The following TRPM3 variants were observed in gnomAD, a reference collection of about 807,000 sequenced individuals.
TRPM3 encodes the protein long transient receptor potential channel 3.
In TRPM3, 77 loss-of-function variants were observed where a neutral mutation model predicts 181.2. The observed-to-expected ratio is 0.42, with a 90% CI of 0.35 to 0.51. TRPM3 has a LOEUF of 0.51. TRPM3 is among the 20% of genes least tolerant of loss of function. The pLI, the probability that TRPM3 is intolerant of heterozygous loss-of-function variation, is 0.01. For synonymous variants in TRPM3, 745 were observed against 796.4 expected (o/e 0.94, Z 1.09); for missense variants, 1,759 against 2,196.7 (o/e 0.80, Z 3.98).
At chr9:71,209,897 G>A (rs2079376980) in intron 1 of TRPM3, among the ~76,000 whole-genome samples, 2 of 152,200 alleles carry the variant, frequency 1.3e-5, no homozygotes, top group South Asian at 2.1e-4. Flanking sequence ...AGACCTTGTA[G>A]CAGAGACCAT....
Position 70,935,622 on chromosome 9 carries a change from G to A in TRPM3, c.178-71111C>T, listed in dbSNP as rs985484524. On this transcript the variant is annotated intron_variant, in intron 1 of 25. Transcript: ENST00000677713. ...TACCTTGCTCTCTTTACTCACTGAT[G>A]TGTGTCCTATATACTTGTCTGGGTT... Among the ~76,000 whole-genome samples the A allele has an allele frequency of 3.3e-5, 5 of 152,078 alleles. 1 individual carries two copies. Among genetic ancestry groups the A allele is most frequent in the African/African-American group, 1.2e-4 (5 of 41,406 alleles).
intron 1 of TRPM3, among the ~76,000 whole-genome samples, chr9:70,921,989 G>C (rs1001100708): frequency 3.1e-5 from 4 of 128,210 alleles, no homozygotes; most frequent in African/African-American, 1.0e-4. Flanking sequence ...AGTTATTTTT[G>C]TGGTTCTACA....
chr9:70,836,065 G>A (rs541284523), intron 5 of TRPM3, among the ~76,000 whole-genome samples: 1 of 152,082 alleles, frequency 6.6e-6, no homozygotes, highest in Non-Finnish European at 1.5e-5. Flanking sequence ...TGTTGTTGGG[G>A]CTATTATTAT....
Position 70,843,080 on chromosome 9 carries a change from A to G in TRPM3, c.724T>C (p.Ser242Pro), listed in dbSNP as rs1346658189. ...GDALKDHASK[S>P]RGKICTIGIA... ...CCTATGGTGCATATCTTTCCTCGAG[A>G]CTTAGAGGCATGATCCTTCAAGGCA... The change falls in exon 5 of 26, where the codon TCT (serine) becomes CCT (proline). Residue 242 changes from serine to proline, a missense_variant. Physicochemically the swap from Ser to Pro is moderately conservative, Grantham distance 74. Transcript: ENST00000677713. The G allele has an allele frequency of 6.2e-7, 1 of 1,613,384 alleles. No individual in the cohort carries two copies. The highest frequency in any genetic ancestry group is 8.5e-7 in the Non-Finnish European group (1 of 1,179,692).
At chr9:70,760,653 C>G (rs2077960105) in intron 8 of TRPM3, 1 of 147,788 alleles carries the variant, frequency 6.8e-6, no homozygotes, top group East Asian at 2.0e-4. Context: ...GTCTTGCCCA[C>G]TCTAATCAAT....
intron 1 of TRPM3, among the ~76,000 whole-genome samples, chr9:71,419,585 A>G (rs2093694645): frequency 6.6e-6 from 1 of 151,986 alleles, no homozygotes; most frequent in Non-Finnish European, 1.5e-5. Context: ...CAAAAGAGAA[A>G]AAACAAAATT....
intron 1 of TRPM3, among the ~76,000 whole-genome samples, chr9:71,385,883 G>A (rs10781017): frequency 0.46 from 69,261 of 151,074 alleles, 17,379 homozygotes; most frequent in East Asian, 0.6. Context: ...TTTTTTTGGT[G>A]GGGGGTAGAG....
intron 1 of TRPM3, among the ~76,000 whole-genome samples, chr9:70,882,355 T>C (rs2096008562): frequency 6.6e-6 from 1 of 152,160 alleles, no homozygotes; most frequent in South Asian, 2.1e-4. Context: ...TTACATAAAT[T>C]ATATCTCTTA....
chr9:71,099,982 T>C (rs1270736097), intron 1 of TRPM3, among the ~76,000 whole-genome samples: 1 of 152,156 alleles, frequency 6.6e-6, no homozygotes, highest in Non-Finnish European at 1.5e-5. Context: ...CAGTGTGCTG[T>C]AGTCTCTTAT....
intron 1 of TRPM3, among the ~76,000 whole-genome samples, chr9:71,350,087 G>T (rs979589244): frequency 2.0e-5 from 3 of 150,882 alleles, no homozygotes; most frequent in Admixed American, 6.6e-5. Flanking sequence ...ACACTCTATG[G>T]ATTGGAGACT....
chr9:71,258,490 T>C (rs374935493), intron 1 of TRPM3, among the ~76,000 whole-genome samples: 9 of 152,228 alleles, frequency 5.9e-5, no homozygotes, highest in Admixed American at 2.0e-4. Context: ...CTCTCTTGTA[T>C]CTCATATTAT....
At chr9:71,175,256 T>C (rs903240296) in intron 1 of TRPM3, among the ~76,000 whole-genome samples, 3 of 152,170 alleles carry the variant, frequency 2.0e-5, no homozygotes, top group Non-Finnish European at 4.4e-5. Flanking sequence ...CTTGTGGAGC[T>C]GCATTAATGG....
chr9:70,666,639 T>G (rs2061887917), intron 9 of TRPM3, among the ~76,000 whole-genome samples: 1 of 152,140 alleles, frequency 6.6e-6, no homozygotes, highest in African/African-American at 2.4e-5. Context: ...TCTTTGCATG[T>G]GGCCCACTTT....
chr9:70,868,542 C>A (rs1295664718), intron 1 of TRPM3, among the ~76,000 whole-genome samples: 1 of 152,004 alleles, frequency 6.6e-6, no homozygotes, highest in African/African-American at 2.4e-5. Context: ...AATCTTCTTA[C>A]TATGTCCTCC....
At chr9:70,790,986 G>C (rs1399916069) in intron 6 of TRPM3, among the ~76,000 whole-genome samples, 2 of 152,160 alleles carry the variant, frequency 1.3e-5, no homozygotes, top group Admixed American at 1.3e-4. Flanking sequence ...ATCTAGGGGT[G>C]ACATTTGAAA....
chr9:71,273,569 A>G (rs190403141), intron 1 of TRPM3, among the ~76,000 whole-genome samples: 6 of 152,330 alleles, frequency 3.9e-5, no homozygotes, highest in Non-Finnish European at 5.9e-5. Context: ...GGGTGTCAGT[A>G]AGGCTATACA....
chr9:70,640,869 T>C (rs1380285976), intron 9 of TRPM3, among the ~76,000 whole-genome samples: 1 of 152,200 alleles, frequency 6.6e-6, no homozygotes, highest in Non-Finnish European at 1.5e-5. Flanking sequence ...TAGATTATTA[T>C]TATTATTACA....
At chr9:71,407,974 C>T (rs2093469485) in intron 1 of TRPM3, among the ~76,000 whole-genome samples, 1 of 152,214 alleles carries the variant, frequency 6.6e-6, no homozygotes, top group African/African-American at 2.4e-5. Flanking sequence ...CGGAGTGGAC[C>T]TCCAGCAAAT....
intron 1 of TRPM3, among the ~76,000 whole-genome samples, chr9:71,190,518 A>G (rs1165676346): frequency 6.6e-6 from 1 of 151,916 alleles, no homozygotes; most frequent in Non-Finnish European, 1.5e-5. Context: ...AAAACATAGA[A>G]GTCTTTCAGG....
Sources: allele counts gnomAD v4.1 joint callset (sites outside exome capture counted in the v4.1 genomes callset), GRCh38; gene constraint gnomAD v4.1.1; transcripts MANE v1.5; gene names NCBI Gene and HGNC (gene_info 2026-07-23, HGNC 2026-07-21).